The following ARID1B variants were observed in gnomAD, a reference collection of about 807,000 sequenced individuals.
ARID1B encodes AT-rich interactive domain-containing protein 1B.
In ARID1B, 30 loss-of-function variants were observed where a neutral mutation model predicts 212.3. That is an observed-to-expected ratio of 0.14 (90% CI 0.11 to 0.19). ARID1B has a LOEUF of 0.19. ARID1B is among the 10% of genes least tolerant of loss of function. The pLI, the probability that ARID1B is intolerant of heterozygous loss-of-function variation, is 1.00. For synonymous variants in ARID1B, 1,402 were observed against 1,301.7 expected, an observed-to-expected ratio of 1.08 and a Z score of -1.66; for missense variants, 2,891 against 3,204.0, an observed-to-expected ratio of 0.90 and a Z score of 2.36.
At chr6:157,116,382 G>T (rs1264604146) in intron 6 of ARID1B, among the ~76,000 whole-genome samples, 2 of 151,066 alleles carry the variant, frequency 1.3e-5, no homozygotes, top group Non-Finnish European at 2.9e-5. Context: ...TTTCACAGTG[G>T]TGTCTAGTTA....
intron 15 of ARID1B, 57 bp from the exon 16 acceptor site, chr6:157,196,108 T>C: frequency 6.3e-7 from 1 of 1,588,030 alleles, no homozygotes; most frequent in Non-Finnish European, 8.6e-7. Flanking sequence ...AAGGGATGGA[T>C]GGGCCTTTGA....
At chr6:156,843,273 A>C (rs1784019720) in intron 2 of ARID1B, among the ~76,000 whole-genome samples, 1 of 152,186 alleles carries the variant, frequency 6.6e-6, no homozygotes, top group African/African-American at 2.4e-5. Flanking sequence ...TATTTTATAT[A>C]TATGGTAGTA....
chr6:157,073,284 A>G (rs1784101358), intron 4 of ARID1B, among the ~76,000 whole-genome samples: 1 of 152,046 alleles, frequency 6.6e-6, no homozygotes, highest in African/African-American at 2.4e-5. Flanking sequence ...TTGTAGTTTT[A>G]GTAGAGACAG....
intron 3 of ARID1B, among the ~76,000 whole-genome samples, chr6:156,930,956 C>T (rs1299095805): frequency 6.6e-6 from 1 of 151,994 alleles, no homozygotes; most frequent in Non-Finnish European, 1.5e-5. Flanking sequence ...TTTGGGAGGC[C>T]AAGGCGGGCA....
chr6:157,097,328 T>G (rs879330511), intron 5 of ARID1B, among the ~76,000 whole-genome samples: 1 of 152,214 alleles, frequency 6.6e-6, no homozygotes, highest in African/African-American at 2.4e-5. Flanking sequence ...TCTGTGTTAT[T>G]TCCCTCAAAT....
intron 6 of ARID1B, among the ~76,000 whole-genome samples, chr6:157,122,095 T>C (rs1170743003): frequency 2.0e-5 from 3 of 152,224 alleles, no homozygotes. Flanking sequence ...CAAGCACCTA[T>C]GACAATGACT....
At chr6:156,837,079 A>G (rs1783564848) in intron 2 of ARID1B, among the ~76,000 whole-genome samples, 1 of 152,244 alleles carries the variant, frequency 6.6e-6, no homozygotes, top group Admixed American at 6.5e-5. Context: ...AAAGAGAAAG[A>G]GGTGTTTCTT....
intron 1 of ARID1B, among the ~76,000 whole-genome samples, chr6:156,825,080 G>T (rs1308144089): frequency 6.6e-6 from 1 of 152,064 alleles, no homozygotes; most frequent in African/African-American, 2.4e-5. Context: ...GCTCAGGCTG[G>T]TCTTGAACTC....
chr6:156,951,383 A>T (rs1793574702), intron 4 of ARID1B, among the ~76,000 whole-genome samples: 2 of 152,234 alleles, frequency 1.3e-5, no homozygotes, highest in African/African-American at 4.8e-5. Context: ...TGACTAGCAA[A>T]GTAAAGGGGA....
intron 4 of ARID1B, among the ~76,000 whole-genome samples, chr6:156,957,601 G>C (rs1794065103): frequency 6.6e-6 from 1 of 152,222 alleles, no homozygotes; most frequent in South Asian, 2.1e-4. Context: ...GGACCCTATG[G>C]TTTGGTAAAT....
intron 3 of ARID1B, among the ~76,000 whole-genome samples, chr6:156,927,952 G>A (rs1284748485): frequency 2.0e-5 from 3 of 152,210 alleles, no homozygotes; most frequent in Non-Finnish European, 4.4e-5. Context: ...GCCCATTTGA[G>A]GTTGGTTTGA....
chr6:156,980,344 G>A lies in ARID1B; in HGVS notation c.2247+44768G>A, dbSNP rs58355309. On this transcript the variant is annotated intron_variant, in intron 4 of 19. Transcript: ENST00000636930. ...CTAAAAATACAAAAATTAGCCGGGC[G>A]TGGTGGTGGGCGCCTGTAATCCCAG... 5.0e-3 allele frequency among the ~76,000 whole-genome samples: 761 copies of A among 152,098 alleles called. 4 individuals carry two copies. The highest frequency in any genetic ancestry group is 0.017 in the African/African-American group (715 of 41,476).
intron 4 of ARID1B, among the ~76,000 whole-genome samples, chr6:157,009,670 TA>T (rs572392598): frequency 4.6e-5 from 7 of 152,266 alleles, no homozygotes; most frequent in Non-Finnish European, 1.0e-4. Context: ...CACTAATGTT[TA>T]ATTGATAGTG....
chr6:156,783,845 G>T (rs1168231425), intron 1 of ARID1B, among the ~76,000 whole-genome samples: 2 of 152,140 alleles, frequency 1.3e-5, no homozygotes, highest in East Asian at 3.8e-4. Context: ...CAGCTCATGG[G>T]GTTGTGTGCT....
At chr6:157,181,977 G>C (rs1183164333) in intron 12 of ARID1B, among the ~76,000 whole-genome samples, 1 of 152,222 alleles carries the variant, frequency 6.6e-6, no homozygotes, top group Non-Finnish European at 1.5e-5. Flanking sequence ...ATGGGGTGCA[G>C]TGGCTTACAC....
At chr6:157,150,161 G>A (rs913901863) in intron 8 of ARID1B, 7 of 152,110 alleles carry the variant, frequency 4.6e-5, no homozygotes, top group African/African-American at 9.7e-5. Flanking sequence ...CTCATAAAGC[G>A]CAAGTTATTT....
rs142897795 is a variant in ARID1B, at chr6:156,935,471, G to A, written c.2142G>A (p.Met714Ile). 8.2e-5 allele frequency: 132 copies of A among 1,609,962 alleles called. No homozygotes were observed. Among genetic ancestry groups the A allele is most frequent in the Non-Finnish European group, 1.0e-4 (119 of 1,177,078 alleles). ...GTGTTTGTGTTTTTTTTTAGGACAT[G>A]TCTCAGGAAGGCTATGGAACTAGAT... ...SQQRYQPQQD[M>I]SQEGYGTRSQ... The change falls in exon 4 of 20, where the codon ATG becomes ATA. Residue 714 changes from methionine (M) to isoleucine (I), a missense_variant. Met to Ile is a conservative substitution (Grantham distance 10). Around this residue, in one of 7 missense-constraint regions of ARID1B, gnomAD observed 1,643 missense variants for 1,544.0 expected, o/e 1.06. Transcript: ENST00000636930.
At chr6:156,916,327 G>A (rs1427160162) in intron 3 of ARID1B, among the ~76,000 whole-genome samples, 1 of 152,130 alleles carries the variant, frequency 6.6e-6, no homozygotes, top group Non-Finnish European at 1.5e-5. Flanking sequence ...GGAGTGAGTA[G>A]GTCTGGTTTA....
intron 1 of ARID1B, among the ~76,000 whole-genome samples, chr6:156,826,606 TG>T (rs1299141998): frequency 6.6e-6 from 1 of 151,990 alleles, no homozygotes. Context: ...GGAGTGCCAG[TG>T]GAAGAGAGGA....
Sources: gnomAD v4.1 joint callset for allele counts (sites outside exome capture counted in the v4.1 genomes callset) on GRCh38, gnomAD v4.1.1 for gene constraint, gnomAD v4.1.1 regional missense constraint, MANE v1.5 for transcripts, NCBI Gene and HGNC (gene_info 2026-07-23, HGNC 2026-07-21) for gene names.